EML1: variants seen among roughly 807,000 people sequenced by gnomAD.
EML1 encodes the protein echinoderm microtubule-associated protein-like 1.
A neutral mutation model predicts 110.4 loss-of-function variants in EML1; 27 were observed. The ratio of observed to expected loss-of-function variants is 0.24; its 90% CI spans 0.18 to 0.34. The LOEUF (loss-of-function observed/expected upper bound fraction) is 0.34. Ranked by LOEUF, EML1 falls within the 10% of genes least tolerant of loss-of-function variation. The pLI, the probability that EML1 is intolerant of heterozygous loss-of-function variation, is 1.00. For missense variants in EML1, 741 were observed against 1,030.9 expected, an observed-to-expected ratio of 0.72 and a Z score of 3.85; for synonymous variants, 344 against 385.8, an observed-to-expected ratio of 0.89 and a Z score of 1.27.
intron 2 of EML1, among the ~76,000 whole-genome samples, chr14:99,864,244 T>G (rs577937568): frequency 6.6e-6 from 1 of 152,222 alleles, no homozygotes; most frequent in Non-Finnish European, 1.5e-5. Context: ...TATACAAGTC[T>G]TTTATCAGAT....
At chr14:99,890,860 G>A (rs1417833430) in intron 4 of EML1, among the ~76,000 whole-genome samples, 2 of 152,198 alleles carry the variant, frequency 1.3e-5, no homozygotes, top group East Asian at 1.9e-4. Context: ...TCAGAAGAGT[G>A]TAGGGAATAA....
intron 2 of EML1, among the ~76,000 whole-genome samples, chr14:99,858,686 G>A (rs1177474500): frequency 1.3e-5 from 2 of 152,184 alleles, no homozygotes; most frequent in Non-Finnish European, 2.9e-5. Context: ...ACGTGCACCT[G>A]TGATTTTGCT....
chr14:99,849,388 G>C (rs944685233), intron 1 of EML1, among the ~76,000 whole-genome samples: 2 of 151,770 alleles, frequency 1.3e-5, no homozygotes, highest in African/African-American at 4.8e-5. Flanking sequence ...GCTGCTTTTG[G>C]TATTTGTTCT....
At chr14:99,770,774 C>T (rs961161429), upstream of EML1, among the ~76,000 whole-genome samples, 4 of 125,884 alleles carry the variant, frequency 3.2e-5, no homozygotes, top group South Asian at 2.7e-4. Flanking sequence ...CAGCAGTTTC[C>T]GCTGATTTTT....
chr14:99,859,613 C>A (rs1595390583), intron 2 of EML1, among the ~76,000 whole-genome samples: 2 of 152,136 alleles, frequency 1.3e-5, no homozygotes. Context: ...GCGCCCCGGC[C>A]CCTGAATCCC....
rs952923661 is a variant in EML1, at chr14:99,740,347, C to T, written c.28+2487C>T. On this transcript the variant is annotated intron_variant, in intron 1 of 10. Coordinates refer to the EML1 transcript ENST00000554479. The stretch of plus-strand genomic sequence containing the variant: ...CCCCTCTTCCCGGGAGTCCCACCTG[C>T]ACACCCAAGGAGGGCGAGGCTGGCT... 7.9e-5 allele frequency among the ~76,000 whole-genome samples: 12 copies of T among 152,332 alleles called. No individual in the cohort carries two copies. In the East Asian group the frequency reaches 1.7e-3, roughly 22 times the overall value.
intron 1 of EML1, among the ~76,000 whole-genome samples, chr14:99,844,298 G>A (rs908766779): frequency 6.6e-6 from 1 of 152,060 alleles, no homozygotes; most frequent in African/African-American, 2.4e-5. Context: ...GGCCCACATA[G>A]CGAAACCCCG....
Position 99,897,287 on chromosome 14 carries a change from G to T in EML1, c.820G>T (p.Val274Leu), listed in dbSNP as rs749319570. The change falls in exon 7 of 22, where the codon GTG becomes TTG. Residue 274 changes from valine (V) to leucine (L), a missense_variant. Coordinates refer to ENST00000262233, the MANE Select transcript of EML1 (RefSeq NM_004434.3). ...QRHYAGHNDD[V>L]KCLAVHPDRI... ...GCATTACGCTGGCCACAACGATGAC[G>T]TGAAGTGGTAAGTCCTGAAACAGGT... 6.2e-7 allele frequency: 1 copy of T among 1,608,262 alleles called. No individual in the cohort carries two copies. Among genetic ancestry groups the T allele is most frequent in the Non-Finnish European group, 8.5e-7 (1 of 1,177,590 alleles).
chr14:99,891,253 G>A, intron 5 of EML1, 26 bp downstream of exon 5: 2 of 1,613,682 alleles, frequency 1.2e-6, no homozygotes, highest in Non-Finnish European at 1.7e-6. Flanking sequence ...TTTATGTATG[G>A]GAACCCCTCA....
upstream of EML1, among the ~76,000 whole-genome samples, chr14:99,771,742 A>T (rs903600975): frequency 6.6e-6 from 1 of 152,136 alleles, no homozygotes; most frequent in African/African-American, 2.4e-5. Flanking sequence ...AGTCCAGGGG[A>T]TTGAGGCTAC....
In EML1 at chr14:99,878,472, A is replaced by G; in HGVS notation, c.384-13A>G. On this transcript the variant is annotated splice_polypyrimidine_tract_variant and intron_variant, in intron 3 of 21. Transcript: ENST00000262233. The stretch of plus-strand genomic sequence containing the variant: ...TATTAAGGAGTTCACTGTCACTTCC[A>G]TTCCACCCTTAGTAACATCAAGAGG... The G allele has an allele frequency of 6.2e-7, 1 of 1,603,740 alleles. No homozygotes were observed. The highest frequency in any genetic ancestry group is 1.1e-5 in the South Asian group (1 of 89,062).
At chr14:99,765,319 A>T (rs1306085516) in intron 1 of EML1, among the ~76,000 whole-genome samples, 1 of 151,810 alleles carries the variant, frequency 6.6e-6, no homozygotes, top group Admixed American at 6.6e-5. Context: ...ACTCCCATCC[A>T]TCTCCACAGC....
chr14:99,921,238 C>T (rs1351184304), intron 17 of EML1, among the ~76,000 whole-genome samples: 1 of 151,844 alleles, frequency 6.6e-6, no homozygotes, highest in East Asian at 1.9e-4. Flanking sequence ...CATATCCCCA[C>T]AAAGGACATG....
rs571687098 is a variant in EML1 at position 99,902,978 on chromosome 14, G to T, written c.1008+1939G>T. Among the ~76,000 whole-genome samples the T allele has an allele frequency of 3.9e-5, 6 of 152,286 alleles. No homozygotes were observed. The East Asian group carries it at 7.7e-4, about 20-fold the overall frequency. On this transcript the variant is annotated intron_variant, in intron 9 of 21. Transcript: ENST00000262233. Reference sequence around the variant, plus strand: ...GTGAAAAAAATAACCAGTTTCTCCAGTTGTGTCCTGTTACAAACAAAAACA... The same window carrying T: ...GTGAAAAAAATAACCAGTTTCTCCATTTGTGTCCTGTTACAAACAAAAACA...
At chr14:99,836,876 C>G (rs915147892) in intron 1 of EML1, among the ~76,000 whole-genome samples, 1 of 152,090 alleles carries the variant, frequency 6.6e-6, no homozygotes, top group African/African-American at 2.4e-5. Context: ...GGGCAACATC[C>G]TCTGAGTCCT....
At chr14:99,812,030 G>T (rs558593046) in intron 1 of EML1, among the ~76,000 whole-genome samples, 1 of 151,768 alleles carries the variant, frequency 6.6e-6, no homozygotes, top group African/African-American at 2.4e-5. Context: ...GTGGATCTGC[G>T]CAGTTGAAAC....
exon 1 of EML1, chr14:99,737,855 C>A (rs1468034005): frequency 1.6e-6 from 2 of 1,289,254 alleles, no homozygotes; most frequent in Non-Finnish European, 2.0e-6. Context: ...GAGGGCCCCT[C>A]CGCCGGTGAG....
At position 99,833,980 on chromosome 14, in the gene EML1, T is replaced by C. The variant is rs139882043; in HGVS notation, c.68-16873T>C. 2.4e-3 allele frequency among the ~76,000 whole-genome samples: 372 copies of C among 152,336 alleles called. 3 individuals carry two copies. The highest frequency in any genetic ancestry group is 8.3e-3 in the African/African-American group (347 of 41,578). ...TTCTAATCTAGAGAGCTTATATTTCTTTTTATTTTTCACTGACTAAAACCT... is the reference window on the plus strand; with the variant it reads ...TTCTAATCTAGAGAGCTTATATTTCCTTTTATTTTTCACTGACTAAAACCT... On this transcript the variant is annotated intron_variant, in intron 1 of 21. Transcript: ENST00000262233.
intron 1 of EML1, among the ~76,000 whole-genome samples, chr14:99,831,228 G>C (rs1374892964): frequency 6.6e-6 from 1 of 152,186 alleles, no homozygotes; most frequent in Non-Finnish European, 1.5e-5. Flanking sequence ...ATTTGGAGCA[G>C]GGCTTTGAAG....
Sources: gnomAD v4.1 joint callset for allele counts (sites outside exome capture counted in the v4.1 genomes callset) on GRCh38, gnomAD v4.1.1 for gene constraint, MANE v1.5 for transcripts, NCBI Gene and HGNC (gene_info 2026-07-23, HGNC 2026-07-21) for gene names.